The following SGCZ variants were observed in gnomAD, a reference collection of about 807,000 sequenced individuals.
The protein encoded by SGCZ is sarcoglycan zeta.
A neutral mutation model predicts 41.3 loss-of-function variants in SGCZ; 40 were observed. That is an observed-to-expected ratio of 0.97 (90% CI 0.75 to 1.26). SGCZ has a LOEUF of 1.26. Among genes scored for constraint, SGCZ ranks in the 50% most tolerant of loss-of-function variants. The probability of loss-of-function intolerance (pLI) is 0.00; values close to 1 mark genes in which losing one functional copy is unlikely to be tolerated. For synonymous variants in SGCZ, 206 were observed against 137.5 expected, an observed-to-expected ratio of 1.50 and a Z score of -3.49; for missense variants, 552 against 369.8, an observed-to-expected ratio of 1.49 and a Z score of -4.04.
chr8:14,728,748 T>C (rs1197033705), intron 1 of SGCZ, among the ~76,000 whole-genome samples: 1 of 152,118 alleles, frequency 6.6e-6, no homozygotes, highest in East Asian at 1.9e-4. Flanking sequence ...AAAGAGCTTC[T>C]CAAAAGTGAC....
At chr8:14,420,560 C>T (rs1366246994) in intron 2 of SGCZ, among the ~76,000 whole-genome samples, 1 of 152,010 alleles carries the variant, frequency 6.6e-6, no homozygotes, top group African/African-American at 2.4e-5. Context: ...CTTTATTCCT[C>T]CTTCAGTTAC....
intron 2 of SGCZ, among the ~76,000 whole-genome samples, chr8:14,435,342 G>A (rs1800059063): frequency 6.6e-6 from 1 of 152,230 alleles, no homozygotes; most frequent in Non-Finnish European, 1.5e-5. Context: ...TAATCCCATA[G>A]TCTTAGCAGA....
intron 1 of SGCZ, among the ~76,000 whole-genome samples, chr8:14,924,903 G>A (rs955681016): frequency 1.4e-5 from 2 of 146,008 alleles, no homozygotes; most frequent in Admixed American, 7.0e-5. Flanking sequence ...TGTCACCCAG[G>A]CTGGAGTGCA....
intron 2 of SGCZ, among the ~76,000 whole-genome samples, chr8:14,437,902 T>C (rs1800138773): frequency 1.3e-5 from 2 of 151,984 alleles, no homozygotes; most frequent in East Asian, 1.9e-4. Flanking sequence ...ACTGACCTAT[T>C]TCATAGATGT....
chr8:14,120,176 C>T (rs1802655681), intron 5 of SGCZ, among the ~76,000 whole-genome samples: 1 of 152,104 alleles, frequency 6.6e-6, no homozygotes, highest in South Asian at 2.1e-4. Flanking sequence ...AGGACCATTC[C>T]TTTAACATCT....
At chr8:15,157,121 G>C (rs949018679) in intron 1 of SGCZ, among the ~76,000 whole-genome samples, 3 of 152,098 alleles carry the variant, frequency 2.0e-5, no homozygotes, top group African/African-American at 4.8e-5. Context: ...AAATGATGCA[G>C]AGGCAGAAAA....
intron 2 of SGCZ, among the ~76,000 whole-genome samples, chr8:14,412,979 T>G (rs1270340305): frequency 6.6e-6 from 1 of 151,946 alleles, no homozygotes; most frequent in Non-Finnish European, 1.5e-5. Flanking sequence ...CATTCATAAT[T>G]TGTATATTAA....
At chr8:14,846,872 C>T (rs1435510895) in intron 1 of SGCZ, among the ~76,000 whole-genome samples, 4 of 151,902 alleles carry the variant, frequency 2.6e-5, no homozygotes, top group Non-Finnish European at 5.9e-5. Context: ...GAGTTTGAGA[C>T]CAGCCTGGGC....
chr8:15,002,335 G>T (rs1802456140), intron 1 of SGCZ, among the ~76,000 whole-genome samples: 1 of 152,100 alleles, frequency 6.6e-6, no homozygotes, highest in African/African-American at 2.4e-5. Context: ...GAAATGTATA[G>T]AATACAGATT....
intron 1 of SGCZ, among the ~76,000 whole-genome samples, chr8:15,119,985 G>C (rs1443893385): frequency 6.6e-6 from 1 of 151,842 alleles, no homozygotes; most frequent in African/African-American, 2.4e-5. Context: ...TTTTGGTGTT[G>C]CTTTTGTTTT....
chr8:14,587,444 G>A (rs1025030699), intron 1 of SGCZ, among the ~76,000 whole-genome samples: 8 of 151,806 alleles, frequency 5.3e-5, no homozygotes, highest in Admixed American at 5.2e-4. Context: ...GACGAAGGCA[G>A]GAATATGGCT....
chr8:14,255,716 T>C (rs1336418038), intron 3 of SGCZ, among the ~76,000 whole-genome samples: 1 of 152,060 alleles, frequency 6.6e-6, no homozygotes, highest in Non-Finnish European at 1.5e-5. Flanking sequence ...ATGAAAGAGG[T>C]TCAACATTAG....
intron 1 of SGCZ, among the ~76,000 whole-genome samples, chr8:15,206,238 G>A (rs1173480511): frequency 6.6e-6 from 1 of 152,046 alleles, no homozygotes; most frequent in African/African-American, 2.4e-5. Context: ...TAGGGCCACG[G>A]TAGTCAGGGA....
In SGCZ at chr8:14,116,811, T is replaced by C. The variant is rs1802537395; in HGVS notation, c.548-8576A>G. On this transcript the variant is annotated intron_variant, in intron 5 of 7. Transcript: ENST00000382080. ...TTCTTTTTACTTTTAACTAAAGAAA[T>C]GGCACGTTTCTCCAGAACCAATGTC... 2.0e-5 allele frequency among the ~76,000 whole-genome samples: 3 copies of C among 152,074 alleles called. No homozygotes were observed. In the South Asian group the frequency reaches 6.2e-4, roughly 32 times the overall value.
At chr8:14,680,721 G>T (rs902795000) in intron 1 of SGCZ, among the ~76,000 whole-genome samples, 2 of 150,726 alleles carry the variant, frequency 1.3e-5, no homozygotes, top group Non-Finnish European at 2.9e-5. Context: ...ACATTAAAAT[G>T]CTCTTATAAA....
chr8:14,101,382 T>C (rs949321947), intron 7 of SGCZ, among the ~76,000 whole-genome samples: 11 of 151,196 alleles, frequency 7.3e-5, no homozygotes, highest in Admixed American at 1.3e-4. Flanking sequence ...CCATGGAAAA[T>C]TGGGGAGAGG....
intron 1 of SGCZ, among the ~76,000 whole-genome samples, chr8:14,933,664 G>A (rs908322780): frequency 6.6e-6 from 1 of 151,880 alleles, no homozygotes; most frequent in Admixed American, 6.6e-5. Context: ...GTGTTAGCCA[G>A]GATGATCTCG....
intron 1 of SGCZ, among the ~76,000 whole-genome samples, chr8:15,022,535 G>T (rs1247959936): frequency 6.6e-6 from 1 of 151,932 alleles, no homozygotes; most frequent in Non-Finnish European, 1.5e-5. Flanking sequence ...GCAGAGACGG[G>T]GTTTCACCAT....
At chr8:14,381,685 C>G (rs10102093) in intron 2 of SGCZ, among the ~76,000 whole-genome samples, 31,574 of 151,456 alleles carry the variant, frequency 0.21, 3,698 homozygotes, top group Non-Finnish European at 0.28. Context: ...ACTTGGGAAG[C>G]TAAGGTGAAA....
Sources: gnomAD v4.1 joint callset for allele counts (sites outside exome capture counted in the v4.1 genomes callset) on GRCh38, gnomAD v4.1.1 for gene constraint, MANE v1.5 for transcripts, NCBI Gene and HGNC (gene_info 2026-07-23, HGNC 2026-07-21) for gene names.